BRDT: variants seen among roughly 807,000 people sequenced by gnomAD.
BRDT encodes the protein bromodomain testis associated.
A neutral mutation model predicts 113.9 loss-of-function variants in BRDT; 77 were observed. The observed-to-expected ratio is 0.68, with a 90% confidence interval of 0.56 to 0.82. The LOEUF (loss-of-function observed/expected upper bound fraction) is 0.82, where lower values mean the gene tolerates loss of function less well. BRDT is among the 40% of genes least tolerant of loss of function. The pLI is 0.00. For missense variants in BRDT, 1,027 were observed against 1,105.4 expected (o/e 0.93, Z 1.01); for synonymous variants, 358 against 366.5 (o/e 0.98, Z 0.26).
chr1:91,989,524 C>A (rs950226445), intron 12 of BRDT, among the ~76,000 whole-genome samples: 25 of 152,048 alleles, frequency 1.6e-4, no homozygotes, highest in African/African-American at 6.0e-4. Flanking sequence ...CCACACCTGG[C>A]TAATTTTTGT....
chr1:91,963,321 TAAAAA>T (rs1447823579), intron 2 of BRDT, among the ~76,000 whole-genome samples: 2 of 151,908 alleles, frequency 1.3e-5, no homozygotes, highest in African/African-American at 4.8e-5. Context: ...TCTCCAAAAA[TAAAAA>T]ATAAAAAAAA....
At position 91,995,930 on chromosome 1, in the gene BRDT, A is replaced by C. The variant is rs1213512333; in HGVS notation, c.2287+1676A>C. On this transcript the variant is annotated intron_variant, in intron 15 of 18. Coordinates refer to ENST00000399546, the MANE Select transcript of BRDT (RefSeq NM_207189.4). ...TGTTTGAATATTCCATTTTGTCTTT[A>C]ATTAAAGTTATATCTCTTCATTGTG... Among the ~76,000 whole-genome samples the C allele has an allele frequency of 2.0e-5, 3 of 152,022 alleles. No homozygotes were observed. In the East Asian group the frequency reaches 5.8e-4, roughly 29 times the overall value.
intron 12 of BRDT, among the ~76,000 whole-genome samples, chr1:91,985,842 G>T (rs10875110): frequency 0.71 from 107,020 of 150,286 alleles, 39,070 homozygotes; most frequent in Middle Eastern, 0.82. Flanking sequence ...GTTTCACCGT[G>T]TTAGCCAGGA....
At chr1:91,983,543 C>T (rs972737124) in intron 12 of BRDT, among the ~76,000 whole-genome samples, 11 of 152,040 alleles carry the variant, frequency 7.2e-5, no homozygotes, top group African/African-American at 2.4e-4. Context: ...CATTAGCCAC[C>T]ACGCCTGGCC....
chr1:91,955,723 A>G (rs1462153780), intron 1 of BRDT, among the ~76,000 whole-genome samples: 1 of 152,226 alleles, frequency 6.6e-6, no homozygotes, highest in Admixed American at 6.5e-5. Flanking sequence ...ATAAAAGGGA[A>G]AATTTTTAGT....
intron 12 of BRDT, among the ~76,000 whole-genome samples, chr1:91,985,563 G>T (rs528845603): frequency 6.6e-6 from 1 of 151,394 alleles, no homozygotes; most frequent in Non-Finnish European, 1.5e-5. Flanking sequence ...ATAGCAATTT[G>T]GCTATATGCA....
rs559560439 is a variant in BRDT at position 91,975,294 on chromosome 1, A to T, written c.446-972A>T. On this transcript the variant is annotated intron_variant, in intron 4 of 18. Transcript: ENST00000399546. ...TTAAAAGTATAATAAAAAAAATTTT[A>T]AAAAAAAAGTGAGGTTGGAAGGAGG... Among the ~76,000 whole-genome samples the T allele has an allele frequency of 7.5e-4, 114 of 151,958 alleles. 2 individuals are homozygous for T. In the East Asian group the frequency reaches 8.1e-3, roughly 11 times the overall value.
chr1:92,013,347 C>T (rs1570673422), intron 18 of BRDT, among the ~76,000 whole-genome samples: 2 of 152,214 alleles, frequency 1.3e-5, no homozygotes, highest in South Asian at 4.1e-4. Context: ...CAAATACTTT[C>T]AGTAGGTAAA....
Position 91,977,186 on chromosome 1 carries a change from G to A in BRDT, c.762G>A (p.Leu254=). The part of the protein sequence containing the change: ...PIKENMPKNV[L]PDSQQQYNVV... ...AAGAAAATATGCCAAAGAATGTTTT[G>A]CCAGATTCTCAGCAACAATATAATG... Residue 254 remains leucine, a synonymous_variant, in exon 6 of 19, where the codon TTG becomes TTA. Coordinates refer to ENST00000399546, the MANE Select transcript of BRDT (RefSeq NM_207189.4). 1 of 1,614,012 alleles carries A rather than the reference G, an allele frequency of 6.2e-7. No homozygotes were observed. The highest frequency in any genetic ancestry group is 8.5e-7 in the Non-Finnish European group (1 of 1,179,980).
intron 6 of BRDT, chr1:91,977,606 C>T (rs1684277471): frequency 5.6e-6 from 2 of 355,942 alleles, no homozygotes; most frequent in East Asian, 5.5e-5. Flanking sequence ...CACAGTGGCT[C>T]ATGCCTGTAA....
At chr1:91,962,572 G>T (rs1202793008) in intron 1 of BRDT, 146 bp from the exon 2 acceptor site, 1 of 398,558 alleles carries the variant, frequency 2.5e-6, no homozygotes, top group Non-Finnish European at 4.4e-6. Context: ...GACCTCAAGT[G>T]ATCCACCCGC....
intron 4 of BRDT, among the ~76,000 whole-genome samples, 186 bp from the exon 5 acceptor site, chr1:91,976,080 G>A (rs1684111431): frequency 6.6e-6 from 1 of 152,124 alleles, no homozygotes; most frequent in South Asian, 2.1e-4. Flanking sequence ...AAATGTTGAA[G>A]TCTCCATTAT....
intron 4 of BRDT, among the ~76,000 whole-genome samples, chr1:91,969,404 G>A (rs980471565): frequency 2.0e-5 from 3 of 151,226 alleles, no homozygotes; most frequent in Non-Finnish European, 4.4e-5. Context: ...GATCCTTAAG[G>A]TGGGTCATAA....
intron 13 of BRDT, among the ~76,000 whole-genome samples, chr1:91,991,562 A>T (rs1353960705): frequency 1.3e-5 from 2 of 152,230 alleles, no homozygotes. Flanking sequence ...AGTGTACAAA[A>T]CTATGCGTAC....
At chr1:91,987,153 C>G (rs539800945) in intron 12 of BRDT, among the ~76,000 whole-genome samples, 1 of 152,000 alleles carries the variant, frequency 6.6e-6, no homozygotes, top group Non-Finnish European at 1.5e-5. Flanking sequence ...CTCCTGGCTT[C>G]AAGCGATCTG....
intron 1 of BRDT, among the ~76,000 whole-genome samples, chr1:91,955,352 G>A (rs1681628166): frequency 6.6e-6 from 1 of 152,104 alleles, no homozygotes; most frequent in Non-Finnish European, 1.5e-5. Flanking sequence ...TACTAGGGAG[G>A]CTGAGGCAGA....
intron 3 of BRDT, 69 bp downstream of exon 3, chr1:91,964,833 A>G: frequency 8.9e-7 from 1 of 1,121,076 alleles, no homozygotes; most frequent in Non-Finnish European, 1.2e-6. Context: ...GTATAAAATC[A>G]TGTGATCATT....
At chr1:92,009,813 T>G (rs984371595) in intron 18 of BRDT, among the ~76,000 whole-genome samples, 3 of 152,148 alleles carry the variant, frequency 2.0e-5, no homozygotes, top group African/African-American at 7.2e-5. Flanking sequence ...TCAAGCAGTC[T>G]GCCTGCCTCT....
In BRDT at chr1:91,962,812, A is replaced by G; in HGVS notation, c.58A>G (p.Ile20Val). 6.2e-7 allele frequency: 1 copy of G among 1,612,482 alleles called. No individual in the cohort carries two copies. Among genetic ancestry groups the G allele is most frequent in the Non-Finnish European group, 8.5e-7 (1 of 1,179,510 alleles). Residue 20 changes from isoleucine (I) to valine (V), a missense_variant, in exon 2 of 19, where the codon ATA becomes GTA. Coordinates refer to ENST00000399546, the MANE Select transcript of BRDT (RefSeq NM_207189.4). ...IIVNPPPPEY[I>V]NTKKNGRLTN... is the part of the protein sequence containing the mutation. Reference sequence around the variant, plus strand: ...TGTTAACCCTCCTCCACCAGAATATATAAATACTAAGAAAAATGGGCGATT... The same window carrying G: ...TGTTAACCCTCCTCCACCAGAATATGTAAATACTAAGAAAAATGGGCGATT...
Sources: allele counts gnomAD v4.1 joint callset (sites outside exome capture counted in the v4.1 genomes callset), GRCh38; gene constraint gnomAD v4.1.1; transcripts MANE v1.5; gene names NCBI Gene and HGNC (gene_info 2026-07-23, HGNC 2026-07-21).